Variants in CDRT4 observed in about 807,000 individuals in gnomAD.
The protein encoded by CDRT4 is CMT1A duplicated region transcript 4.
For synonymous variants in CDRT4, 64 were observed against 69.6 expected (o/e 0.92, Z 0.40); for missense variants, 167 against 193.1 (o/e 0.87, Z 0.80).
At chr17:15,457,164 C>A (rs2045486729) in intron 1 of CDRT4, among the ~76,000 whole-genome samples, 2 of 152,252 alleles carry the variant, frequency 1.3e-5, no homozygotes, top group South Asian at 4.2e-4. Flanking sequence ...GAACCTCCTG[C>A]ATGTCTCTGA....
chr17:15,448,109 G>T (rs891946236), intron 2 of CDRT4, among the ~76,000 whole-genome samples: 1 of 152,166 alleles, frequency 6.6e-6, no homozygotes, highest in African/African-American at 2.4e-5. Flanking sequence ...ACACTTCAGG[G>T]AAACAGCCCG....
Position 15,447,708 on chromosome 17 carries a change from A to G in CDRT4, c.-48+5296T>C, listed in dbSNP as rs148108196. Reference sequence around the variant, plus strand: ...CATTGGAAGGCCCATTAAGCATAAAACACATGTGGTCATTATCTATTGATC... The same window carrying G: ...CATTGGAAGGCCCATTAAGCATAAAGCACATGTGGTCATTATCTATTGATC... On this transcript the variant is annotated intron_variant, in intron 2 of 3. Transcript: ENST00000619038. Among the ~76,000 whole-genome samples, 12 of 152,316 alleles carry G rather than the reference A, an allele frequency of 7.9e-5. No homozygotes were observed. The East Asian group carries it at 2.3e-3, about 29-fold the overall frequency.
chr17:15,462,427 CAAAAAAA>C (rs55662712), intron 1 of CDRT4, among the ~76,000 whole-genome samples: 3 of 59,894 alleles, frequency 5.0e-5, no homozygotes, highest in African/African-American at 6.8e-5. Flanking sequence ...GACTCCATCT[CAAAAAAA>C]AAAAAAAAAA....
At chr17:15,454,614 T>G (rs1979404409) in intron 1 of CDRT4, among the ~76,000 whole-genome samples, 1 of 152,170 alleles carries the variant, frequency 6.6e-6, no homozygotes, top group Non-Finnish European at 1.5e-5. Flanking sequence ...TCTTCTCAGA[T>G]CATTGCAGCC....
chr17:15,441,441 A>G (rs560400677), intron 2 of CDRT4, among the ~76,000 whole-genome samples: 1 of 152,266 alleles, frequency 6.6e-6, no homozygotes, highest in East Asian at 1.9e-4. Context: ...CCTGTGGTTC[A>G]TACTCTGCGT....
At chr17:15,448,179 G>T (rs1567610795) in intron 2 of CDRT4, among the ~76,000 whole-genome samples, 1 of 152,140 alleles carries the variant, frequency 6.6e-6, no homozygotes, top group Non-Finnish European at 1.5e-5. Context: ...AACGCTCAAA[G>T]CACTAGGAAT....
chr17:15,443,982 GA>G (rs1266141802), intron 2 of CDRT4: 4 of 729,500 alleles, frequency 5.5e-6, no homozygotes, highest in Non-Finnish European at 4.9e-6. Context: ...TTTCTTGGGT[GA>G]AAAATACATC....
At chr17:15,441,327 A>G (rs1978747517) in intron 2 of CDRT4, among the ~76,000 whole-genome samples, 1 of 152,204 alleles carries the variant, frequency 6.6e-6, no homozygotes, top group African/African-American at 2.4e-5. Flanking sequence ...GTGCAACCAC[A>G]GACACCCAGG....
At chr17:15,465,378 A>G (rs1979981308) in intron 1 of CDRT4, among the ~76,000 whole-genome samples, 1 of 150,472 alleles carries the variant, frequency 6.6e-6, no homozygotes, top group Non-Finnish European at 1.5e-5. Flanking sequence ...ACACAGACAC[A>G]CATAACACAC....
intron 1 of CDRT4, among the ~76,000 whole-genome samples, chr17:15,456,563 T>TACAC (rs3029212): frequency 0.061 from 8,946 of 145,668 alleles, 435 homozygotes; most frequent in African/African-American, 0.14. Context: ...AATCTTCCTT[T>TACAC]ACACACACAC....
intron 2 of CDRT4, chr17:15,452,567 T>C (rs1334528681): frequency 6.6e-6 from 1 of 152,276 alleles, no homozygotes; most frequent in Non-Finnish European, 1.5e-5. Context: ...CAAATATGGC[T>C]CCAGGGATAT....
At chr17:15,447,546 T>C (rs185033456) in intron 2 of CDRT4, among the ~76,000 whole-genome samples, 13 of 152,344 alleles carry the variant, frequency 8.5e-5, no homozygotes, top group Middle Eastern at 3.4e-3. Context: ...CTGAATTGGC[T>C]GAAGAAACAC....
intron 2 of CDRT4, chr17:15,444,261 A>G (rs1229360275): frequency 1.8e-6 from 1 of 569,138 alleles, no homozygotes; most frequent in African/African-American, 1.9e-5. Context: ...TGATATTTAA[A>G]AGATGCAATA....
chr17:15,445,234 T>C (rs1978971361), intron 2 of CDRT4, among the ~76,000 whole-genome samples: 1 of 152,188 alleles, frequency 6.6e-6, no homozygotes, highest in African/African-American at 2.4e-5. Flanking sequence ...CTCAAGATGT[T>C]AATAGGTATT....
At chr17:15,439,596 C>G (rs1161982314) in intron 3 of CDRT4, among the ~76,000 whole-genome samples, 2 of 152,184 alleles carry the variant, frequency 1.3e-5, no homozygotes, top group Non-Finnish European at 2.9e-5. Flanking sequence ...GAGCAGCAAC[C>G]CCGTTCCATC....
At chr17:15,461,711 A>G (rs1338521308) in intron 1 of CDRT4, among the ~76,000 whole-genome samples, 1 of 152,162 alleles carries the variant, frequency 6.6e-6, no homozygotes, top group African/African-American at 2.4e-5. Context: ...ACAGATCACC[A>G]TCAGTATGGC....
At chr17:15,444,747 G>GAGAGAGA (rs1978942476) in intron 2 of CDRT4, among the ~76,000 whole-genome samples, 1 of 110,268 alleles carries the variant, frequency 9.1e-6, no homozygotes, top group African/African-American at 4.8e-5. Flanking sequence ...AGAGAGAGAG[G>GAGAGAGA]TCCAGAAGAT....
At chr17:15,456,831 A>G (rs1979506473) in intron 1 of CDRT4, among the ~76,000 whole-genome samples, 1 of 152,136 alleles carries the variant, frequency 6.6e-6, no homozygotes, top group African/African-American at 2.4e-5. Context: ...AAGAACGCAG[A>G]AACTATTGTG....
chr17:15,463,726 C>T (rs147816300), intron 1 of CDRT4, among the ~76,000 whole-genome samples: 126 of 152,314 alleles, frequency 8.3e-4, no homozygotes, highest in East Asian at 7.0e-3. Context: ...GCTATGCTAG[C>T]TGATTCCAAC....
Sources: gnomAD v4.1 joint callset for allele counts (sites outside exome capture counted in the v4.1 genomes callset) on GRCh38, gnomAD v4.1.1 for gene constraint, MANE v1.5 for transcripts, NCBI Gene and HGNC (gene_info 2026-07-23, HGNC 2026-07-21) for gene names.